The following OXR1 variants were observed in gnomAD, a reference collection of about 807,000 sequenced individuals.
The protein encoded by OXR1 is oxidation resistance protein 1.
OXR1 carries 41 observed loss-of-function variants against 104.6 expected under a neutral mutation model. That is an observed-to-expected ratio of 0.39 (90% CI 0.31 to 0.51). The LOEUF (loss-of-function observed/expected upper bound fraction) is 0.51. OXR1 is among the 20% of genes least tolerant of loss of function. OXR1 has a pLI of 0.77. For missense variants in OXR1, 955 were observed against 1,031.9 expected, an observed-to-expected ratio of 0.93 and a Z score of 1.02; for synonymous variants, 348 against 348.4, an observed-to-expected ratio of 1.00 and a Z score of 0.01.
At chr8:106,607,051 C>G (rs1183273166) in intron 3 of OXR1, among the ~76,000 whole-genome samples, 1 of 152,146 alleles carries the variant, frequency 6.6e-6, no homozygotes. Flanking sequence ...TGGCACTTTG[C>G]CTACCAAGCT....
chr8:106,305,464 ATAAT>A (rs1195242203), intron 1 of OXR1, among the ~76,000 whole-genome samples: 2 of 152,190 alleles, frequency 1.3e-5, no homozygotes, highest in African/African-American at 2.4e-5. Context: ...ACAGATTTAA[ATAAT>A]TCTTTTCATG....
chr8:106,713,723 T>A (rs1295030579), intron 10 of OXR1, 100 bp from the exon 11 acceptor site: 1 of 635,220 alleles, frequency 1.6e-6, no homozygotes, highest in African/African-American at 1.9e-5. Context: ...TTTGTGTATA[T>A]TTTAAGTCTT....
At chr8:106,402,011 G>C (rs1029713048) in intron 2 of OXR1, among the ~76,000 whole-genome samples, 6 of 152,160 alleles carry the variant, frequency 3.9e-5, no homozygotes, top group African/African-American at 1.4e-4. Flanking sequence ...AACGGCTTCT[G>C]GTAGGCCTTA....
At chr8:106,708,487 A>G (rs1436300085) in intron 9 of OXR1, among the ~76,000 whole-genome samples, 2 of 152,118 alleles carry the variant, frequency 1.3e-5, no homozygotes, top group Non-Finnish European at 2.9e-5. Context: ...TTGTTTCTGA[A>G]TTTAACTACT....
intron 11 of OXR1, among the ~76,000 whole-genome samples, chr8:106,716,344 G>A (rs527349929): frequency 7.6e-5 from 2 of 26,414 alleles, no homozygotes; most frequent in Non-Finnish European, 1.5e-4. Flanking sequence ...CACACTGGAG[G>A]CCGGGCGCGG....
chr8:106,296,074 A>C (rs998569371), intron 1 of OXR1, among the ~76,000 whole-genome samples: 1 of 152,134 alleles, frequency 6.6e-6, no homozygotes, highest in African/African-American at 2.4e-5. Flanking sequence ...ATTAGGAAAG[A>C]TCCCAACTAT....
chr8:106,700,210 T>G (rs1236309670), intron 7 of OXR1, among the ~76,000 whole-genome samples: 6 of 152,190 alleles, frequency 3.9e-5, no homozygotes, highest in Non-Finnish European at 8.8e-5. Context: ...GTCTTGCTCA[T>G]AATAGTCTTA....
At chr8:106,643,330 C>A (rs1172084702) in intron 3 of OXR1, among the ~76,000 whole-genome samples, 2 of 152,060 alleles carry the variant, frequency 1.3e-5, no homozygotes, top group Non-Finnish European at 2.9e-5. Flanking sequence ...CAAAGGAAAC[C>A]AAATTTATAA....
chr8:106,515,168 G>C (rs1339287172), intron 2 of OXR1, among the ~76,000 whole-genome samples: 1 of 151,864 alleles, frequency 6.6e-6, no homozygotes, highest in East Asian at 1.9e-4. Context: ...GTGATCTATA[G>C]CTTATTTATC....
At chr8:106,686,410 A>G (rs1423834540) in intron 6 of OXR1, among the ~76,000 whole-genome samples, 1 of 151,520 alleles carries the variant, frequency 6.6e-6, no homozygotes, top group Non-Finnish European at 1.5e-5. Context: ...ACAACAGTTG[A>G]TTGTGTAAAT....
At chr8:106,578,987 C>CTT (rs71307073) in intron 3 of OXR1, among the ~76,000 whole-genome samples, 9 of 137,910 alleles carry the variant, frequency 6.5e-5, no homozygotes, top group African/African-American at 1.1e-4. Flanking sequence ...CTTTTTCTTT[C>CTT]TTTTTTTTTT....
chr8:106,459,953 C>G (rs1563536605), intron 2 of OXR1, among the ~76,000 whole-genome samples: 1 of 152,316 alleles, frequency 6.6e-6, no homozygotes, highest in East Asian at 1.9e-4. Flanking sequence ...TTCTCTTCCT[C>G]TGGCTATAGA....
intron 2 of OXR1, among the ~76,000 whole-genome samples, chr8:106,416,001 G>T (rs920477180): frequency 6.6e-6 from 1 of 152,034 alleles, no homozygotes; most frequent in African/African-American, 2.4e-5. Flanking sequence ...TATTTTGCCA[G>T]GTAAACAGAA....
At chr8:106,699,940 T>G (rs1830440037) in intron 7 of OXR1, among the ~76,000 whole-genome samples, 1 of 152,220 alleles carries the variant, frequency 6.6e-6, no homozygotes, top group African/African-American at 2.4e-5. Flanking sequence ...GTACAAGCTT[T>G]TCTCTTTGCT....
At position 106,679,758 on chromosome 8, in the gene OXR1, CT is replaced by C. The variant is rs201152528; in HGVS notation, c.303+480del. 1.9e-3 allele frequency among the ~76,000 whole-genome samples: 271 copies of C among 144,304 alleles called. 1 individual carries two copies. The highest frequency in any genetic ancestry group is 3.5e-3 in the African/African-American group (143 of 40,366). 94.7% of individuals were successfully genotyped at this position (144,304 alleles called of 152,430 possible). On this transcript the variant is annotated intron_variant, in intron 4 of 16. Coordinates refer to ENST00000517566, the MANE Select transcript of OXR1 (RefSeq NM_001198533.2). ...ACTCCCTTTAGCTCTAAACATTGAG[CT>C]TTTTTTTTTTTTTCTGTATTCTTGA...
intron 1 of OXR1, among the ~76,000 whole-genome samples, chr8:106,358,921 CTAAA>C (rs1190113859): frequency 4.6e-5 from 7 of 151,936 alleles, no homozygotes; most frequent in Non-Finnish European, 8.8e-5. Context: ...ATTTAATTCA[CTAAA>C]TAATTTAGTG....
At chr8:106,404,039 G>A (rs1818112590) in intron 2 of OXR1, among the ~76,000 whole-genome samples, 1 of 152,078 alleles carries the variant, frequency 6.6e-6, no homozygotes, top group Non-Finnish European at 1.5e-5. Flanking sequence ...GTTTCTTCAG[G>A]CAATGCAGGG....
At chr8:106,576,358 T>C (rs1817831456) in intron 3 of OXR1, among the ~76,000 whole-genome samples, 1 of 151,612 alleles carries the variant, frequency 6.6e-6, no homozygotes, top group Non-Finnish European at 1.5e-5. Context: ...TTTATGTTAT[T>C]TTTAGAATAA....
At chr8:106,714,809 T>G (rs538968698) in intron 11 of OXR1, among the ~76,000 whole-genome samples, 2 of 152,276 alleles carry the variant, frequency 1.3e-5, no homozygotes, top group South Asian at 4.1e-4. Context: ...TAATGTGATA[T>G]GAATGTATCT....
Sources: allele counts gnomAD v4.1 joint callset (sites outside exome capture counted in the v4.1 genomes callset), GRCh38; gene constraint gnomAD v4.1.1; transcripts MANE v1.5; gene names NCBI Gene and HGNC (gene_info 2026-07-23, HGNC 2026-07-21).